The following LRPPRC variants were observed in gnomAD, a reference collection of about 807,000 sequenced individuals.
LRPPRC encodes leucine rich pentatricopeptide repeat containing, also known as leucine-rich PPR motif-containing protein, mitochondrial.
In LRPPRC, 120 loss-of-function variants were observed where a neutral mutation model predicts 180.3. The ratio of observed to expected loss-of-function variants is 0.67; its 90% CI spans 0.57 to 0.77. The LOEUF (loss-of-function observed/expected upper bound fraction) is 0.77. LRPPRC is among the 30% of genes least tolerant of loss of function. The pLI, the probability that LRPPRC is intolerant of heterozygous loss-of-function variation, is 0.00. For synonymous variants in LRPPRC, 723 were observed against 600.0 expected, an observed-to-expected ratio of 1.21 and a Z score of -3.00; for missense variants, 2,012 against 1,657.2, an observed-to-expected ratio of 1.21 and a Z score of -3.72.
rs1405362424 is a variant in LRPPRC at position 43,917,928 on chromosome 2, T to C, written c.3148+97A>G. On this transcript the variant is annotated intron_variant, in intron 29 of 37. Transcript: ENST00000260665. The stretch of plus-strand genomic sequence containing the variant: ...ATGTAAAATTTAAGTCCTATCTCTA[T>C]CCTAGAGCACTTCTAATTGGTTGGG... The C allele has an allele frequency of 1.2e-5, 10 of 817,412 alleles. No homozygotes were observed. In the Admixed American group the frequency reaches 2.2e-4, roughly 18 times the overall value. 50.6% of individuals were successfully genotyped at this position (817,412 alleles called of 1,614,324 possible).
intron 29 of LRPPRC, among the ~76,000 whole-genome samples, chr2:43,914,447 G>T (rs2105016410): frequency 6.6e-6 from 1 of 152,300 alleles, no homozygotes; most frequent in South Asian, 2.1e-4. Flanking sequence ...AAGAGTTATG[G>T]CCAGGCACAG....
intron 8 of LRPPRC, 115 bp from the exon 9 acceptor site, chr2:43,974,410 C>T: frequency 2.3e-6 from 2 of 866,896 alleles, no homozygotes; most frequent in Non-Finnish European, 3.9e-6. Flanking sequence ...AAGCATATAA[C>T]TGCCTAAATA....
chr2:43,949,592 G>T lies in LRPPRC; in HGVS notation c.1735+10C>A. The stretch of plus-strand genomic sequence containing the variant: ...TGGATAAGTTACAATCATCGAAATT[G>T]AAACGCTACCCGTCGGTCCTCGAGG... On this transcript the variant is annotated intron_variant, in intron 16 of 37. Coordinates refer to ENST00000260665, the MANE Select transcript of LRPPRC (RefSeq NM_133259.4). The T allele has an allele frequency of 1.2e-6, 2 of 1,611,012 alleles. No homozygotes were observed. The highest frequency in any genetic ancestry group is 1.7e-6 in the Non-Finnish European group (2 of 1,177,330).
At position 43,888,593 on chromosome 2, in the gene LRPPRC, G is replaced by C. The variant is rs377493253; in HGVS notation, c.*7C>G. The C allele has an allele frequency of 1.9e-5, 30 of 1,541,428 alleles. No individual in the cohort carries two copies. Among genetic ancestry groups the C allele is most frequent in the Non-Finnish European group, 2.6e-5 (29 of 1,114,322 alleles). The stretch of plus-strand genomic sequence containing the variant: ...ATATATACAAAACAAAGTATCGCCT[G>C]GTTATTTCAAGAAGAGTTTTCCCTC... On this transcript the variant is annotated 3_prime_UTR_variant, in exon 38 of 38. Transcript: ENST00000260665.
chr2:43,917,625 T>G (rs1334340224), intron 29 of LRPPRC, among the ~76,000 whole-genome samples: 1 of 151,892 alleles, frequency 6.6e-6, no homozygotes, highest in Non-Finnish European at 1.5e-5. Context: ...CCATCTCTAC[T>G]ACAAATATAA....
intron 1 of LRPPRC, among the ~76,000 whole-genome samples, chr2:43,987,334 G>C (rs1420908587): frequency 6.6e-6 from 1 of 151,646 alleles, no homozygotes; most frequent in Non-Finnish European, 1.5e-5. Flanking sequence ...TCTCTAATAA[G>C]AATACAAAAA....
rs115299309 is a variant in LRPPRC at position 43,991,360 on chromosome 2, A to G, written c.149+4439T>C. ...CCCATCAGATTCTTAATATTTGCAGAAGATTTTTCTAAAATGAGAGTTTTC... is the reference window on the plus strand; with the variant it reads ...CCCATCAGATTCTTAATATTTGCAGGAGATTTTTCTAAAATGAGAGTTTTC... On this transcript the variant is annotated intron_variant, in intron 1 of 37. Coordinates refer to ENST00000260665, the MANE Select transcript of LRPPRC (RefSeq NM_133259.4). Among the ~76,000 whole-genome samples, 477 of 152,268 alleles carry G rather than the reference A, an allele frequency of 3.1e-3. 6 individuals carry two copies. Among genetic ancestry groups the G allele is most frequent in the African/African-American group, 0.011 (458 of 41,550 alleles).
At chr2:43,938,236 T>C (rs1672344981) in intron 23 of LRPPRC, among the ~76,000 whole-genome samples, 1 of 151,852 alleles carries the variant, frequency 6.6e-6, no homozygotes, top group Non-Finnish European at 1.5e-5. Context: ...GACTACATAA[T>C]TTTCATGCAT....
chr2:43,953,870 C>T (rs899618942), intron 14 of LRPPRC, among the ~76,000 whole-genome samples: 4 of 152,188 alleles, frequency 2.6e-5, no homozygotes, highest in Non-Finnish European at 5.9e-5. Context: ...AAACTCTTCT[C>T]TTAAAGATAC....
chr2:43,960,345 A>T (rs1391301825), intron 13 of LRPPRC, among the ~76,000 whole-genome samples, 196 bp downstream of exon 13: 1 of 152,192 alleles, frequency 6.6e-6, no homozygotes, highest in Non-Finnish European at 1.5e-5. Flanking sequence ...CATATTACAT[A>T]TAATATTCAA....
intron 13 of LRPPRC, chr2:43,959,240 G>A (rs1232812722): frequency 1.4e-6 from 1 of 712,962 alleles, no homozygotes; most frequent in Non-Finnish European, 2.6e-6. Context: ...ATACAGAGTG[G>A]AAGGCAAAAT....
chr2:43,965,932 T>G (rs560275193), intron 11 of LRPPRC, among the ~76,000 whole-genome samples: 1 of 152,196 alleles, frequency 6.6e-6, no homozygotes, highest in Non-Finnish European at 1.5e-5. Context: ...TGGAGATTCC[T>G]GAAAAACTTA....
At chr2:43,954,214 G>C (rs1673013798) in intron 14 of LRPPRC, among the ~76,000 whole-genome samples, 1 of 152,122 alleles carries the variant, frequency 6.6e-6, no homozygotes, top group Non-Finnish European at 1.5e-5. Flanking sequence ...ACATGTGACA[G>C]TGTATAGATA....
intron 21 of LRPPRC, among the ~76,000 whole-genome samples, chr2:43,945,757 G>T (rs1409081055): frequency 6.6e-6 from 1 of 151,956 alleles, no homozygotes; most frequent in African/African-American, 2.4e-5. Flanking sequence ...GGAAGCCAAA[G>T]GTACCTGAGA....
intron 29 of LRPPRC, among the ~76,000 whole-genome samples, chr2:43,913,556 T>G (rs1364420744): frequency 6.6e-6 from 1 of 152,230 alleles, no homozygotes; most frequent in Non-Finnish European, 1.5e-5. Flanking sequence ...CATTAGTCCC[T>G]TAATTAAACT....
At position 43,899,292 on chromosome 2, in the gene LRPPRC, T is replaced by C; in HGVS notation, c.3752A>G (p.Tyr1251Cys). 1.9e-5 allele frequency: 31 copies of C among 1,614,178 alleles called. No homozygotes were observed. Among genetic ancestry groups the C allele is most frequent in the Non-Finnish European group, 2.5e-5 (30 of 1,180,004 alleles). Reference sequence around the variant, plus strand: ...AAGGAAAAAATCAGTGACAGGTTTATAAATTGCAAACTGATTGGCCAATCT... The same window carrying C: ...AAGGAAAAAATCAGTGACAGGTTTACAAATTGCAAACTGATTGGCCAATCT... ...AERLANQFAI[Y>C]KPVTDFFLQL... The change falls in exon 34 of 38, where the codon TAT becomes TGT. Residue 1251 changes from tyrosine (Y) to cysteine (C), a missense_variant. Transcript: ENST00000260665.
At chr2:43,953,898 G>A (rs55758705) in intron 14 of LRPPRC, among the ~76,000 whole-genome samples, 4 of 152,144 alleles carry the variant, frequency 2.6e-5, no homozygotes, top group South Asian at 4.1e-4. Context: ...TGGCCAGGCC[G>A]GTGGTTCATG....
intron 25 of LRPPRC, among the ~76,000 whole-genome samples, chr2:43,933,456 AG>A (rs2105057835): frequency 6.6e-6 from 1 of 152,326 alleles, no homozygotes; most frequent in South Asian, 2.1e-4. Flanking sequence ...ATAAGTTAAC[AG>A]TTTTAATCAC....
chr2:43,962,730 AAGAG>A (rs1553408220), intron 12 of LRPPRC, among the ~76,000 whole-genome samples: 1 of 152,208 alleles, frequency 6.6e-6, no homozygotes, highest in African/African-American at 2.4e-5. Context: ...AGTTTAAAAA[AAGAG>A]AGAGAGACAG....
Sources: allele counts gnomAD v4.1 joint callset (sites outside exome capture counted in the v4.1 genomes callset), GRCh38; gene constraint gnomAD v4.1.1; transcripts MANE v1.5; gene names NCBI Gene and HGNC (gene_info 2026-07-23, HGNC 2026-07-21).